Variants in ZNF521 observed in about 807,000 individuals in gnomAD.
ZNF521 encodes zinc finger protein 521.
A neutral mutation model predicts 105.5 loss-of-function variants in ZNF521; 14 were observed. The observed-to-expected ratio is 0.13, with a 90% CI of 0.09 to 0.21. ZNF521 has a LOEUF of 0.21. Ranked by LOEUF, ZNF521 falls within the 10% of genes least tolerant of loss-of-function variation. The pLI is 1.00. For synonymous variants in ZNF521, 635 were observed against 606.0 expected (o/e 1.05, Z -0.70); for missense variants, 1,233 against 1,629.7 (o/e 0.76, Z 4.19).
chr18:25,148,003 C>T (rs2034976985), intron 5 of ZNF521, among the ~76,000 whole-genome samples: 1 of 152,064 alleles, frequency 6.6e-6, no homozygotes, highest in Non-Finnish European at 1.5e-5. Flanking sequence ...TTAACAATTC[C>T]AAGCCAGCAG....
At chr18:25,241,691 T>C (rs935055767) in intron 3 of ZNF521, among the ~76,000 whole-genome samples, 3 of 152,140 alleles carry the variant, frequency 2.0e-5, no homozygotes, top group Non-Finnish European at 4.4e-5. Flanking sequence ...TTATCTTTGT[T>C]ATAATGAGGG....
At chr18:25,118,775 T>C (rs1316731359) in intron 5 of ZNF521, among the ~76,000 whole-genome samples, 1 of 152,060 alleles carries the variant, frequency 6.6e-6, no homozygotes, top group East Asian at 1.9e-4. Context: ...GGCCTAAATC[T>C]AACCACATTA....
At chr18:25,082,268 G>A (rs145335223) in intron 7 of ZNF521, among the ~76,000 whole-genome samples, 4 of 152,246 alleles carry the variant, frequency 2.6e-5, no homozygotes, top group South Asian at 4.2e-4. Flanking sequence ...TAAGGGCTGC[G>A]ATTTCAGCCC....
At chr18:25,114,001 T>C (rs1408291606) in intron 5 of ZNF521, among the ~76,000 whole-genome samples, 1 of 151,212 alleles carries the variant, frequency 6.6e-6, no homozygotes, top group Non-Finnish European at 1.5e-5. Context: ...TTTTTTTTTG[T>C]TTTCTGCCTT....
At chr18:25,163,456 G>C (rs1024315566) in intron 5 of ZNF521, among the ~76,000 whole-genome samples, 3 of 152,146 alleles carry the variant, frequency 2.0e-5, no homozygotes, top group African/African-American at 7.2e-5. Context: ...CGTGCTATTG[G>C]TTTGGTCCGA....
At chr18:25,281,705 TA>T (rs1338257285) in intron 3 of ZNF521, among the ~76,000 whole-genome samples, 1 of 152,140 alleles carries the variant, frequency 6.6e-6, no homozygotes. Flanking sequence ...ACGTGACTAT[TA>T]AAAGGTGGAG....
intron 7 of ZNF521, among the ~76,000 whole-genome samples, chr18:25,088,219 C>CTT (rs549305074): frequency 1.4e-5 from 2 of 147,712 alleles, no homozygotes; most frequent in Non-Finnish European, 3.0e-5. Context: ...CTTTTCTTTT[C>CTT]TTTTTTTTTT....
rs1224779474 is a variant in ZNF521, at chr18:25,227,462, A to G, written c.456T>C (p.Ser152=). 6.2e-7 allele frequency: 1 copy of G among 1,614,006 alleles called. No individual in the cohort carries two copies. The highest frequency in any genetic ancestry group is 8.5e-7 in the Non-Finnish European group (1 of 1,180,020). ...DKLPFKCTYC[S]RLFKHKRSRD... is the part of the protein sequence containing the mutation. ...GGCTGCGCTTGTGTTTGAACAGCCT[A>G]CTGCAGTAGGTGCATTTGAAAGGCA... Residue 152 remains serine (S), a synonymous_variant, in exon 4 of 8, where the codon AGT becomes AGC. Transcript: ENST00000361524. This position sits in a 1 kb window ranked among gnomAD's most constrained non-coding sequence, Gnocchi z 5.7.
At chr18:25,220,131 G>A (rs534089279) in intron 4 of ZNF521, among the ~76,000 whole-genome samples, 10 of 152,320 alleles carry the variant, frequency 6.6e-5, no homozygotes, top group Non-Finnish European at 1.0e-4. Context: ...AGCAAAAGAA[G>A]GAGAGGCCAC....
At chr18:25,103,538 G>C (rs982232614) in intron 5 of ZNF521, among the ~76,000 whole-genome samples, 1 of 152,050 alleles carries the variant, frequency 6.6e-6, no homozygotes, top group Non-Finnish European at 1.5e-5. Context: ...CCATACTTAC[G>C]TATGGAAAAT....
At chr18:25,177,757 A>G (rs1159781371) in intron 5 of ZNF521, among the ~76,000 whole-genome samples, 1 of 152,202 alleles carries the variant, frequency 6.6e-6, no homozygotes, top group East Asian at 1.9e-4. Context: ...AACACTTATA[A>G]AACAAGGATG....
intron 3 of ZNF521, among the ~76,000 whole-genome samples, chr18:25,249,357 CTG>C (rs1381373430): frequency 1.3e-5 from 2 of 151,850 alleles, no homozygotes; most frequent in African/African-American, 4.8e-5. Flanking sequence ...CAGGGTTTCA[CTG>C]TGTTAGCCAG....
chr18:25,327,024 C>A (rs915098441), intron 2 of ZNF521, among the ~76,000 whole-genome samples: 3 of 152,072 alleles, frequency 2.0e-5, no homozygotes, highest in African/African-American at 7.2e-5. Context: ...CTGAAAAAAA[C>A]AAGTCTTAGC....
intron 3 of ZNF521, among the ~76,000 whole-genome samples, chr18:25,241,036 AAC>A (rs1484022585): frequency 6.6e-6 from 1 of 151,996 alleles, no homozygotes. Flanking sequence ...GCAATATGTA[AAC>A]AGTTATTAGG....
At chr18:25,092,955 G>A (rs947287074) in intron 5 of ZNF521, among the ~76,000 whole-genome samples, 3 of 152,090 alleles carry the variant, frequency 2.0e-5, no homozygotes, top group African/African-American at 4.8e-5. Flanking sequence ...ATTTCATTGT[G>A]CAATTGTAAG....
In ZNF521 at chr18:25,074,998, A is replaced by G. The variant is rs574193800; in HGVS notation, c.3907-12257T>C. ...GCAATATAATTAAAAAAATCTCTTT[A>G]AAGTGAAGTATTTAACATGATCCTG... On this transcript the variant is annotated intron_variant, in intron 7 of 7. Coordinates refer to ENST00000361524, the MANE Select transcript of ZNF521 (RefSeq NM_015461.3). Among the ~76,000 whole-genome samples, 4 of 152,338 alleles carry G rather than the reference A, an allele frequency of 2.6e-5. No individual in the cohort carries two copies. The South Asian group carries it at 6.2e-4, about 24-fold the overall frequency.
intron 5 of ZNF521, among the ~76,000 whole-genome samples, chr18:25,122,448 T>G (rs1447175338): frequency 6.6e-6 from 1 of 152,222 alleles, no homozygotes; most frequent in Non-Finnish European, 1.5e-5. Flanking sequence ...TGGTTTTAAG[T>G]ATATACTATA....
At chr18:25,214,121 T>A (rs915201625) in intron 4 of ZNF521, among the ~76,000 whole-genome samples, 1 of 152,136 alleles carries the variant, frequency 6.6e-6, no homozygotes, top group Non-Finnish European at 1.5e-5. Context: ...TTTCCTTCCC[T>A]GTTGACACGA....
rs12455054 is a variant in ZNF521, at chr18:25,312,511, T to G, written c.220+9497A>C. Among the ~76,000 whole-genome samples the G allele has an allele frequency of 3.2e-5, 2 of 62,686 alleles. 1 individual carries two copies. The highest frequency in any genetic ancestry group is 7.5e-5 in the Non-Finnish European group (2 of 26,694). 41.1% of individuals were successfully genotyped at this position (62,686 alleles called of 152,430 possible). On this transcript the variant is annotated intron_variant, in intron 3 of 7. Transcript: ENST00000361524. ...CGGAAAAGGAAGCATACTCAGCCTA[T>G]GGTTCAGAAGTTGGAACCAGGCCGG...
Sources: allele counts gnomAD v4.1 joint callset (sites outside exome capture counted in the v4.1 genomes callset), GRCh38; gene constraint gnomAD v4.1.1; non-coding constraint Gnocchi (gnomAD v3.1); transcripts MANE v1.5; gene names NCBI Gene and HGNC (gene_info 2026-07-23, HGNC 2026-07-21).